The following DPP10 variants were observed in gnomAD, a reference collection of about 807,000 sequenced individuals.
The protein encoded by DPP10 is inactive dipeptidyl peptidase 10.
A neutral mutation model predicts 120.9 loss-of-function variants in DPP10; 33 were observed. The ratio of observed to expected loss-of-function variants is 0.27; its 90% CI spans 0.21 to 0.37. DPP10 has a LOEUF of 0.37. Ranked by LOEUF, DPP10 falls within the 10% of genes least tolerant of loss-of-function variation. The pLI is 1.00. For missense variants in DPP10, 816 were observed against 942.8 expected, an observed-to-expected ratio of 0.87 and a Z score of 1.76; for synonymous variants, 337 against 326.1, an observed-to-expected ratio of 1.03 and a Z score of -0.36.
chr2:115,511,238 T>C (rs2077207324), intron 4 of DPP10, among the ~76,000 whole-genome samples: 1 of 152,272 alleles, frequency 6.6e-6, no homozygotes, highest in Non-Finnish European at 1.5e-5. Flanking sequence ...CACAGGAAGT[T>C]TTAAATTTAT....
chr2:115,554,243 C>T (rs1393850618), intron 5 of DPP10, among the ~76,000 whole-genome samples: 3 of 151,370 alleles, frequency 2.0e-5, no homozygotes, highest in Non-Finnish European at 4.4e-5. Flanking sequence ...GGATGCAAAT[C>T]ACAGATGTGT....
intron 5 of DPP10, among the ~76,000 whole-genome samples, chr2:115,558,112 G>T (rs996654528): frequency 1.3e-5 from 2 of 152,064 alleles, no homozygotes; most frequent in African/African-American, 2.4e-5. Flanking sequence ...ACCCAAAATG[G>T]TACTTGTCCT....
At chr2:115,096,625 A>C (rs2048412074) in intron 1 of DPP10, among the ~76,000 whole-genome samples, 1 of 152,180 alleles carries the variant, frequency 6.6e-6, no homozygotes, top group African/African-American at 2.4e-5. Context: ...ACCCCTCATA[A>C]TTTGAACATA....
At chr2:115,185,027 G>A (rs1037726460) in intron 1 of DPP10, among the ~76,000 whole-genome samples, 4 of 152,108 alleles carry the variant, frequency 2.6e-5, no homozygotes, top group South Asian at 2.1e-4. Flanking sequence ...TAAAATAAGC[G>A]ATAGTAGGAG....
chr2:114,763,726 T>C (rs1680474681), intron 1 of DPP10, among the ~76,000 whole-genome samples: 1 of 152,166 alleles, frequency 6.6e-6, no homozygotes, highest in African/African-American at 2.4e-5. Context: ...CCAGTAGCAA[T>C]TAGAATGGGG....
chr2:114,962,777 G>T (rs1698742554), intron 1 of DPP10, among the ~76,000 whole-genome samples: 2 of 152,156 alleles, frequency 1.3e-5, no homozygotes, highest in South Asian at 4.1e-4. Flanking sequence ...AAAATGATTT[G>T]TTGGGTACTA....
At chr2:115,513,538 T>A (rs1236724971) in intron 4 of DPP10, among the ~76,000 whole-genome samples, 1 of 151,978 alleles carries the variant, frequency 6.6e-6, no homozygotes, top group Non-Finnish European at 1.5e-5. Context: ...TTTACTATTT[T>A]TTGTGTTATT....
At chr2:115,088,406 C>G (rs930572078) in intron 1 of DPP10, among the ~76,000 whole-genome samples, 1 of 152,084 alleles carries the variant, frequency 6.6e-6, no homozygotes, top group African/African-American at 2.4e-5. Context: ...TAGCTAACTT[C>G]CACAGAAAAA....
chr2:114,546,920 T>C (rs1687453109), intron 1 of DPP10, among the ~76,000 whole-genome samples: 1 of 152,252 alleles, frequency 6.6e-6, no homozygotes, highest in African/African-American at 2.4e-5. Context: ...TGTTGGATTT[T>C]ATTCTTATTC....
At chr2:115,701,356 A>G (rs1486216558) in intron 7 of DPP10, among the ~76,000 whole-genome samples, 5 of 152,086 alleles carry the variant, frequency 3.3e-5, no homozygotes, top group Non-Finnish European at 5.9e-5. Flanking sequence ...TCTTTTTTAA[A>G]CAACTGATAC....
chr2:115,659,762 T>C (rs1189041631), intron 5 of DPP10, among the ~76,000 whole-genome samples: 1 of 152,190 alleles, frequency 6.6e-6, no homozygotes, highest in East Asian at 1.9e-4. Context: ...GTTTAGTCAG[T>C]AACTATTACA....
intron 5 of DPP10, among the ~76,000 whole-genome samples, chr2:115,530,295 C>T (rs939776033): frequency 2.0e-5 from 3 of 151,870 alleles, no homozygotes; most frequent in Admixed American, 2.0e-4. Context: ...AATTTATAAC[C>T]AGGAAGAGGT....
intron 2 of DPP10, among the ~76,000 whole-genome samples, chr2:115,332,673 T>G (rs2062828150): frequency 6.6e-6 from 1 of 152,236 alleles, no homozygotes; most frequent in African/African-American, 2.4e-5. Context: ...TGCCTTCATT[T>G]TGTTATGTAC....
intron 1 of DPP10, among the ~76,000 whole-genome samples, chr2:114,783,454 G>A (rs1243371616): frequency 1.3e-5 from 2 of 152,100 alleles, no homozygotes; most frequent in African/African-American, 4.8e-5. Flanking sequence ...CAATTTACCT[G>A]TTCTCATAGA....
At chr2:114,788,264 G>GT (rs1431609207) in intron 1 of DPP10, among the ~76,000 whole-genome samples, 2 of 151,856 alleles carry the variant, frequency 1.3e-5, no homozygotes, top group Non-Finnish European at 2.9e-5. Context: ...TTAATATTTT[G>GT]TTTTTAATTT....
chr2:115,563,840 AAGAG>A (rs1045077319), intron 5 of DPP10, among the ~76,000 whole-genome samples: 29 of 152,334 alleles, frequency 1.9e-4, no homozygotes, highest in Admixed American at 7.2e-4. Flanking sequence ...GAGCTGGAAG[AAGAG>A]AGATTTTCTC....
intron 1 of DPP10, among the ~76,000 whole-genome samples, chr2:115,250,635 A>G (rs2058714579): frequency 6.6e-6 from 1 of 152,178 alleles, no homozygotes; most frequent in African/African-American, 2.4e-5. Flanking sequence ...AAAAAATAAT[A>G]TTGCCAAGTA....
intron 1 of DPP10, among the ~76,000 whole-genome samples, chr2:114,480,516 C>T (rs527649809): frequency 6.6e-6 from 1 of 152,040 alleles, no homozygotes; most frequent in African/African-American, 2.4e-5. Flanking sequence ...CCATGGAATA[C>T]TATGCAGCCA....
At chr2:115,040,662 T>C (rs972289216) in intron 1 of DPP10, among the ~76,000 whole-genome samples, 1 of 152,006 alleles carries the variant, frequency 6.6e-6, no homozygotes, top group East Asian at 2.0e-4. Context: ...TGACTGGATC[T>C]TGGGGGTGGA....
Sources: allele counts gnomAD v4.1 joint callset (sites outside exome capture counted in the v4.1 genomes callset), GRCh38; gene constraint gnomAD v4.1.1; transcripts MANE v1.5; gene names NCBI Gene and HGNC (gene_info 2026-07-23, HGNC 2026-07-21).